KCNIP4: variants seen among roughly 807,000 people sequenced by gnomAD.
KCNIP4 encodes the protein Kv channel-interacting protein 4.
A neutral mutation model predicts 34.0 loss-of-function variants in KCNIP4; 12 were observed. That is an observed-to-expected ratio of 0.35 (90% CI 0.23 to 0.57). KCNIP4 has a LOEUF of 0.57. KCNIP4 is among the 20% of genes least tolerant of loss of function. The probability of loss-of-function intolerance (pLI) is 0.83; values close to 1 mark genes in which losing one functional copy is unlikely to be tolerated. For missense variants in KCNIP4, 238 were observed against 311.7 expected, an observed-to-expected ratio of 0.76 and a Z score of 1.78; for synonymous variants, 124 against 102.2, an observed-to-expected ratio of 1.21 and a Z score of -1.29.
chr4:21,793,990 T>C (rs35388558), intron 1 of KCNIP4, among the ~76,000 whole-genome samples: 1 of 152,168 alleles, frequency 6.6e-6, no homozygotes, highest in African/African-American at 2.4e-5. Context: ...TGTAGGGACA[T>C]GGATGAAGCT....
intron 1 of KCNIP4, among the ~76,000 whole-genome samples, chr4:21,870,421 T>C (rs182984483): frequency 6.6e-6 from 1 of 152,158 alleles, no homozygotes; most frequent in African/African-American, 2.4e-5. Flanking sequence ...TAGCTTATAG[T>C]AACCTTTATG....
At chr4:20,941,800 T>C (rs1027963420) in intron 1 of KCNIP4, among the ~76,000 whole-genome samples, 12 of 152,214 alleles carry the variant, frequency 7.9e-5, no homozygotes, top group African/African-American at 2.2e-4. Context: ...AGTTGTCCAG[T>C]ATATAGAGAA....
chr4:21,490,105 A>C (rs532483673), intron 1 of KCNIP4, among the ~76,000 whole-genome samples: 1 of 152,284 alleles, frequency 6.6e-6, no homozygotes, highest in African/African-American at 2.4e-5. Flanking sequence ...CTGAAGTTAT[A>C]AATTTTATGC....
chr4:21,489,040 C>T (rs1732149976), intron 1 of KCNIP4, among the ~76,000 whole-genome samples: 1 of 152,058 alleles, frequency 6.6e-6, no homozygotes, highest in Admixed American at 6.6e-5. Context: ...TACGATGCAA[C>T]ACAAAGCTGT....
chr4:21,450,470 G>A (rs748307680), intron 1 of KCNIP4, among the ~76,000 whole-genome samples: 20 of 152,060 alleles, frequency 1.3e-4, no homozygotes, highest in Admixed American at 7.9e-4. Context: ...TAGACTTTCC[G>A]TAGGTAAATA....
intron 1 of KCNIP4, among the ~76,000 whole-genome samples, chr4:21,035,686 A>G (rs1217353209): frequency 6.6e-6 from 1 of 152,330 alleles, no homozygotes; most frequent in African/African-American, 2.4e-5. Flanking sequence ...TTGAGGCTTT[A>G]TAATGTACGA....
At chr4:21,320,342 C>G (rs188117693) in intron 1 of KCNIP4, among the ~76,000 whole-genome samples, 2 of 152,142 alleles carry the variant, frequency 1.3e-5, no homozygotes, top group Admixed American at 6.5e-5. Flanking sequence ...AGGTGCCTGG[C>G]TAAGCAGGGG....
At chr4:21,815,751 T>C (rs938827274) in intron 1 of KCNIP4, among the ~76,000 whole-genome samples, 1 of 152,156 alleles carries the variant, frequency 6.6e-6, no homozygotes, top group Non-Finnish European at 1.5e-5. Context: ...TAGTATACTT[T>C]TTAAATGAGA....
intron 1 of KCNIP4, among the ~76,000 whole-genome samples, chr4:21,234,401 TATTATATA>T (rs1759162688): frequency 7.7e-6 from 1 of 130,268 alleles, no homozygotes. Flanking sequence ...ATATATAATA[TATTATATA>T]ACATATACTA....
chr4:21,178,103 G>C (rs1021791686), intron 1 of KCNIP4, among the ~76,000 whole-genome samples: 2 of 152,000 alleles, frequency 1.3e-5, no homozygotes, highest in African/African-American at 4.8e-5. Context: ...GACTTACTTA[G>C]CATAAGGCAC....
At chr4:21,131,383 G>A (rs899351447) in intron 1 of KCNIP4, among the ~76,000 whole-genome samples, 12 of 152,170 alleles carry the variant, frequency 7.9e-5, no homozygotes, top group Non-Finnish European at 1.8e-4. Context: ...GGGCAGTCGG[G>A]TGGATCACGA....
intron 1 of KCNIP4, among the ~76,000 whole-genome samples, chr4:21,280,559 GA>G (rs1241284377): frequency 1.3e-5 from 2 of 152,096 alleles, no homozygotes; most frequent in African/African-American, 4.8e-5. Context: ...ATGATCCACT[GA>G]AAATATAAAC....
chr4:20,833,484 CAATAAT>C (rs375084319), intron 3 of KCNIP4, among the ~76,000 whole-genome samples: 1 of 150,806 alleles, frequency 6.6e-6, no homozygotes, highest in Non-Finnish European at 1.5e-5. Flanking sequence ...GACCCCATCT[CAATAAT>C]AATAATAATA....
intron 1 of KCNIP4, chr4:20,984,066 A>C: frequency 7.3e-7 from 1 of 1,365,180 alleles, no homozygotes; most frequent in Non-Finnish European, 9.7e-7. Flanking sequence ...GCACCCTGCA[A>C]AGCCGGCGGC....
intron 1 of KCNIP4, among the ~76,000 whole-genome samples, chr4:21,823,843 C>T (rs71607094): frequency 0.012 from 1,779 of 152,232 alleles, 20 homozygotes; most frequent in Non-Finnish European, 0.015. Flanking sequence ...AAATGACCAC[C>T]GATTTTTCCC....
intron 2 of KCNIP4, among the ~76,000 whole-genome samples, chr4:20,875,190 G>T (rs1433701271): frequency 6.6e-6 from 1 of 152,274 alleles, no homozygotes; most frequent in South Asian, 2.1e-4. Context: ...CAGGTAAGTG[G>T]AAAAAGATCT....
At chr4:21,247,154 T>C (rs1760266695) in intron 1 of KCNIP4, among the ~76,000 whole-genome samples, 1 of 152,126 alleles carries the variant, frequency 6.6e-6, no homozygotes, top group African/African-American at 2.4e-5. Flanking sequence ...TTTTGTAGAG[T>C]ACCTAATCCA....
chr4:20,956,504 C>CA (rs35371161), intron 1 of KCNIP4, among the ~76,000 whole-genome samples: 103,074 of 148,226 alleles, frequency 0.7, 36,153 homozygotes, highest in African/African-American at 0.82. Context: ...GACTTCCTTC[C>CA]AAAAAAAAAA....
intron 1 of KCNIP4, among the ~76,000 whole-genome samples, chr4:20,970,321 ATTGT>A (rs1734807403): frequency 1.3e-5 from 2 of 152,110 alleles, no homozygotes; most frequent in African/African-American, 4.8e-5. Context: ...TTCCTCAATG[ATTGT>A]TTATTACCTT....
Sources: allele counts gnomAD v4.1 joint callset (sites outside exome capture counted in the v4.1 genomes callset), GRCh38; gene constraint gnomAD v4.1.1; transcripts MANE v1.5; gene names NCBI Gene and HGNC (gene_info 2026-07-23, HGNC 2026-07-21).